Variants in CABIN1 observed in about 807,000 individuals in gnomAD.
The protein encoded by CABIN1 is calcineurin-binding protein cabin-1.
A neutral mutation model predicts 227.7 loss-of-function variants in CABIN1; 133 were observed. The ratio of observed to expected loss-of-function variants is 0.58; its 90% confidence interval spans 0.51 to 0.67. The LOEUF is 0.67. Ranked by LOEUF, CABIN1 falls within the 30% of genes least tolerant of loss-of-function variation. CABIN1 has a pLI of 0.00. For missense variants in CABIN1, 2,408 were observed against 2,852.5 expected, an observed-to-expected ratio of 0.84 and a Z score of 3.55; for synonymous variants, 1,086 against 1,155.1, an observed-to-expected ratio of 0.94 and a Z score of 1.21.
chr22:24,069,025 G>T (rs1195596916), intron 16 of CABIN1, among the ~76,000 whole-genome samples: 1 of 152,242 alleles, frequency 6.6e-6, no homozygotes, highest in East Asian at 1.9e-4. Context: ...TATTCCCGCA[G>T]TGTTAATGTT....
At position 24,171,877 on chromosome 22, in the gene CABIN1, A is replaced by T; in HGVS notation, c.5922A>T (p.Thr1974=). The change falls in exon 34 of 37, where the codon ACA becomes ACT. Residue 1974 remains threonine, a synonymous_variant. Coordinates refer to ENST00000263119, the MANE Select transcript of CABIN1 (RefSeq NM_012295.4). ...TKPRPALAAA[T]TIITCPPSAS... ...CTCGCCCTGCACTAGCTGCCGCCAC[A>T]ACTATTATCACCTGCCCTCCGTCAG... 1 of 1,614,094 alleles carries T rather than the reference A, an allele frequency of 6.2e-7. No homozygotes were observed. Among genetic ancestry groups the T allele is most frequent in the South Asian group, 1.1e-5 (1 of 91,088 alleles).
Position 24,063,215 on chromosome 22 carries a change from A to G in CABIN1, c.1884+69A>G, listed in dbSNP as rs538551221. 10 of 1,496,720 alleles carry G rather than the reference A, an allele frequency of 6.7e-6. No homozygotes were observed. The East Asian group carries it at 1.6e-4, about 24-fold the overall frequency. 92.7% of individuals were successfully genotyped at this position (1,496,720 alleles called of 1,614,324 possible). A position where few individuals can be genotyped will look rare whatever the true frequency, so the allele number is the denominator to read the frequency against. ...CAGCAGGGTGGGCAGAAAATTGACC[A>G]TGTTGAGGGTGTGTGTGTGTATGTG... On this transcript the variant is annotated intron_variant, in intron 14 of 36. Transcript: ENST00000263119.
chr22:24,098,055 C>T lies in CABIN1; in HGVS notation c.3980C>T (p.Ala1327Val). Residue 1327 changes from alanine (A) to valine (V), a missense_variant, in exon 26 of 37, where the codon GCT (alanine) becomes GTT (valine). By Grantham distance (64) the Ala-to-Val change is moderately conservative (BLOSUM62 0). Coordinates refer to ENST00000263119, the MANE Select transcript of CABIN1 (RefSeq NM_012295.4). ...CLVDEDSHSS[A>V]GTLPGPGASL... is the part of the protein sequence containing the mutation. Reference sequence around the variant, plus strand: ...GTGGACGAGGACTCCCACTCTTCAGCTGGGACACTGCCGGGCCCCGGAGCC... The same window carrying T: ...GTGGACGAGGACTCCCACTCTTCAGTTGGGACACTGCCGGGCCCCGGAGCC... The T allele has an allele frequency of 6.2e-7, 1 of 1,614,218 alleles. No homozygotes were observed. Among genetic ancestry groups the T allele is most frequent in the Non-Finnish European group, 8.5e-7 (1 of 1,180,024 alleles).
At chr22:24,030,015 G>T (rs1448395465) in intron 1 of CABIN1, among the ~76,000 whole-genome samples, 1 of 152,166 alleles carries the variant, frequency 6.6e-6, no homozygotes, top group Non-Finnish European at 1.5e-5. Flanking sequence ...GTGAGTTTTT[G>T]ATTAGCATGT....
chr22:24,083,434 G>C, intron 20 of CABIN1, 45 bp downstream of exon 20: 1 of 1,607,388 alleles, frequency 6.2e-7, no homozygotes, highest in Non-Finnish European at 8.5e-7. Context: ...AGCAGGAGCT[G>C]TAAGCTCTTT....
At chr22:24,072,060 C>G (rs918582953) in intron 17 of CABIN1, among the ~76,000 whole-genome samples, 1 of 152,184 alleles carries the variant, frequency 6.6e-6, no homozygotes, top group Non-Finnish European at 1.5e-5. Context: ...TCTCTTCTCT[C>G]TGGGCTCTCA....
chr22:24,176,061 C>T (rs1342032750), intron 34 of CABIN1, 50 bp from the exon 35 acceptor site: 15 of 1,578,038 alleles, frequency 9.5e-6, no homozygotes, highest in African/African-American at 1.3e-5. Flanking sequence ...TGCGTTGGAG[C>T]CTGCGGGGTG....
At chr22:24,134,237 G>T (rs2044251052) in intron 28 of CABIN1, 65 bp from the exon 29 acceptor site, 3 of 1,207,378 alleles carry the variant, frequency 2.5e-6, no homozygotes, top group Non-Finnish European at 3.6e-6. Context: ...GGGACCGCCT[G>T]CCTTCCCTGT....
In CABIN1 at chr22:24,043,098, T is replaced by G; in HGVS notation, c.526+14T>G. On this transcript the variant is annotated intron_variant, in intron 6 of 36. Transcript: ENST00000263119. Reference sequence around the variant, plus strand: ...GTGATTACACAAGTGAGTCATGCTTTGATGCTTTCTTCCATGTGCCAGTGG... The same window carrying G: ...GTGATTACACAAGTGAGTCATGCTTGGATGCTTTCTTCCATGTGCCAGTGG... 6.2e-7 allele frequency: 1 copy of G among 1,612,854 alleles called. No homozygotes were observed. Among genetic ancestry groups the G allele is most frequent in the African/African-American group, 1.3e-5 (1 of 74,930 alleles).
intron 14 of CABIN1, 68 bp from the exon 15 acceptor site, chr22:24,063,967 G>A (rs1274520109): frequency 2.5e-6 from 4 of 1,598,208 alleles, no homozygotes; most frequent in Admixed American, 3.3e-5. Context: ...GATAAGTGGT[G>A]TAAAGCATCT....
At position 24,084,801 on chromosome 22, in the gene CABIN1, T is replaced by C; in HGVS notation, c.3117+16T>C. 6.2e-7 allele frequency: 1 copy of C among 1,612,134 alleles called. No homozygotes were observed. ...TTCAACTGAGGTGGGCCCACAACCT[T>C]GAGGACGTGGGGGACAGGGCTGGGT... On this transcript the variant is annotated intron_variant, in intron 21 of 36. Transcript: ENST00000263119.
rs764360680 is a variant in CABIN1, at chr22:24,176,099, A to G, written c.6041-12A>G. On this transcript the variant is annotated splice_polypyrimidine_tract_variant and intron_variant, in intron 34 of 36. Transcript: ENST00000263119. ...TGAGTCTATTACCTGCAGTGAGCCC[A>G]TGTCCCCACAGAGGGAGAAGAGCTG... 6.2e-6 allele frequency: 10 copies of G among 1,608,684 alleles called. No individual in the cohort carries two copies. Among genetic ancestry groups the G allele is most frequent in the African/African-American group, 1.3e-5 (1 of 74,896 alleles).
intron 29 of CABIN1, among the ~76,000 whole-genome samples, chr22:24,143,756 A>G (rs1443085809): frequency 6.6e-6 from 1 of 152,096 alleles, no homozygotes; most frequent in Admixed American, 6.5e-5. Flanking sequence ...TATCATCCTC[A>G]TTGTACAGAC....
rs2040348919 is a variant in CABIN1, at chr22:24,075,143, C to T, written c.2633-1026C>T. ...ACTTGAGCCCAGGAGTTGGAGGCTG[C>T]ATTGAGCTATGACCATGCCATTGTA... is the stretch of plus-strand genomic sequence containing the variant. On this transcript the variant is annotated intron_variant, in intron 18 of 36. Coordinates refer to ENST00000263119, the MANE Select transcript of CABIN1 (RefSeq NM_012295.4). Among the ~76,000 whole-genome samples, 4 of 152,220 alleles carry T rather than the reference C, an allele frequency of 2.6e-5. 1 individual carries two copies. In the South Asian group the frequency reaches 8.3e-4, roughly 32 times the overall value.
chr22:24,085,246 C>G (rs2041076122), intron 22 of CABIN1, 95 bp downstream of exon 22: 2 of 1,328,494 alleles, frequency 1.5e-6, no homozygotes, highest in Middle Eastern at 1.9e-4. Flanking sequence ...TGGGGTTTCC[C>G]TGTCCATTGC....
intron 18 of CABIN1, among the ~76,000 whole-genome samples, chr22:24,072,945 T>C (rs890746812): frequency 2.6e-5 from 4 of 152,226 alleles, no homozygotes; most frequent in Non-Finnish European, 5.9e-5. Flanking sequence ...GCAAGTCATA[T>C]AACTTCAGCC....
At chr22:24,155,521 C>G (rs1020405905) in intron 29 of CABIN1, among the ~76,000 whole-genome samples, 4 of 152,200 alleles carry the variant, frequency 2.6e-5, no homozygotes, top group Non-Finnish European at 4.4e-5. Flanking sequence ...AACCCACTTA[C>G]CATGGCATCT....
At chr22:24,112,532 C>T (rs1412011056) in intron 26 of CABIN1, among the ~76,000 whole-genome samples, 2 of 152,074 alleles carry the variant, frequency 1.3e-5, no homozygotes, top group African/African-American at 2.4e-5. Flanking sequence ...ATGTTCTTGC[C>T]TTCTCCCTGC....
chr22:24,134,216 C>T, intron 28 of CABIN1, 86 bp from the exon 29 acceptor site: 1 of 892,718 alleles, frequency 1.1e-6, no homozygotes, highest in South Asian at 1.4e-5. Context: ...TGCCATGCAG[C>T]CAGGAAGGAG....
Sources: allele counts gnomAD v4.1 joint callset (sites outside exome capture counted in the v4.1 genomes callset), GRCh38; gene constraint gnomAD v4.1.1; transcripts MANE v1.5; gene names NCBI Gene and HGNC (gene_info 2026-07-23, HGNC 2026-07-21).